UNC5C: variants seen among roughly 807,000 people sequenced by gnomAD.
UNC5C encodes netrin receptor UNC5C.
In UNC5C, 47 loss-of-function variants were observed where a neutral mutation model predicts 99.8. The observed-to-expected ratio is 0.47, with a 90% CI of 0.37 to 0.60. UNC5C has a LOEUF of 0.60. Ranked by LOEUF, UNC5C falls within the 20% of genes least tolerant of loss-of-function variation. The pLI is 0.00. For synonymous variants in UNC5C, 487 were observed against 452.2 expected, an observed-to-expected ratio of 1.08 and a Z score of -0.98; for missense variants, 1,062 against 1,165.9, an observed-to-expected ratio of 0.91 and a Z score of 1.30.
chr4:95,220,120 C>T lies in UNC5C; in HGVS notation c.1165G>A (p.Val389Ile), dbSNP rs752752057. ...ACAACTACAGAGATCGCCAGGCAAA[C>T]GATCACTGCTATCACAATCCCAACA... ...LYVGIVIAVIVCLAISVVVAL... is the reference protein window; with the variant it reads ...LYVGIVIAVIICLAISVVVAL... Residue 389 changes from valine to isoleucine, a missense_variant, in exon 8 of 16, where the codon GTT (valine) becomes ATT (isoleucine). Coordinates refer to ENST00000453304, the MANE Select transcript of UNC5C (RefSeq NM_003728.4). 23 of 1,613,938 alleles carry T rather than the reference C, an allele frequency of 1.4e-5. No homozygotes were observed. The highest frequency in any genetic ancestry group is 8.9e-5 in the East Asian group (4 of 44,878).
chr4:95,242,389 C>T (rs747222830), intron 7 of UNC5C, 40 bp downstream of exon 7: 274 of 1,611,166 alleles, frequency 1.7e-4, no homozygotes, highest in Non-Finnish European at 2.2e-4. Flanking sequence ...GTTCAATCTC[C>T]AGCCCCCTCA....
In UNC5C at chr4:95,245,635, C is replaced by A. The variant is rs1579263313; in HGVS notation, c.776-491G>T. ...AGGATTTTTATTCACTTGCACAAAC[C>A]AGTGAACCTGGTTAAAAAATAAAAT... On this transcript the variant is annotated intron_variant, in intron 5 of 15. Coordinates refer to ENST00000453304, the MANE Select transcript of UNC5C (RefSeq NM_003728.4). 3.3e-5 allele frequency among the ~76,000 whole-genome samples: 5 copies of A among 152,198 alleles called. 1 individual carries two copies. The South Asian group carries it at 1.0e-3, about 32-fold the overall frequency.
At chr4:95,363,542 T>C (rs1169756191) in intron 1 of UNC5C, among the ~76,000 whole-genome samples, 1 of 152,090 alleles carries the variant, frequency 6.6e-6, no homozygotes, top group Non-Finnish European at 1.5e-5. Context: ...GCAACAGCTG[T>C]GTGTTTTGAT....
intron 2 of UNC5C, among the ~76,000 whole-genome samples, chr4:95,320,523 T>C (rs1208858849): frequency 6.6e-6 from 1 of 152,100 alleles, no homozygotes; most frequent in Non-Finnish European, 1.5e-5. Context: ...AAGTACAATA[T>C]GGCTTTTAAC....
At chr4:95,493,599 T>A (rs1232171665) in intron 1 of UNC5C, among the ~76,000 whole-genome samples, 2 of 151,332 alleles carry the variant, frequency 1.3e-5, no homozygotes, top group South Asian at 2.1e-4. Flanking sequence ...CACTAAGTTT[T>A]AAAAAAAATT....
At chr4:95,327,342 A>G (rs959645831) in intron 2 of UNC5C, among the ~76,000 whole-genome samples, 2 of 152,158 alleles carry the variant, frequency 1.3e-5, no homozygotes, top group Non-Finnish European at 2.9e-5. Flanking sequence ...AGGCAAAGAG[A>G]GGCAATAAAG....
At chr4:95,424,841 G>A (rs1435168205) in intron 1 of UNC5C, among the ~76,000 whole-genome samples, 16 of 151,780 alleles carry the variant, frequency 1.1e-4, no homozygotes, top group Non-Finnish European at 7.4e-5. Context: ...TTATAGATGA[G>A]GAAACTGAGG....
At chr4:95,191,633 C>T (rs552334143) in intron 12 of UNC5C, among the ~76,000 whole-genome samples, 6 of 151,068 alleles carry the variant, frequency 4.0e-5, no homozygotes, top group African/African-American at 1.2e-4. Flanking sequence ...CTCTCCTGCT[C>T]CCATGCTCAC....
chr4:95,224,794 A>G (rs991811169), intron 7 of UNC5C, among the ~76,000 whole-genome samples: 2 of 152,224 alleles, frequency 1.3e-5, no homozygotes, highest in Admixed American at 1.3e-4. Flanking sequence ...AAAATAAACC[A>G]AAAGAACATA....
At chr4:95,436,027 A>G (rs1746774821) in intron 1 of UNC5C, among the ~76,000 whole-genome samples, 1 of 152,016 alleles carries the variant, frequency 6.6e-6, no homozygotes, top group Non-Finnish European at 1.5e-5. Context: ...GTTGTTATTT[A>G]TGTGATTTTT....
At position 95,507,749 on chromosome 4, in the gene UNC5C, A is replaced by C. The variant is rs528707854; in HGVS notation, c.124+40985T>G. Among the ~76,000 whole-genome samples the C allele has an allele frequency of 5.3e-5, 8 of 152,084 alleles. No homozygotes were observed. In the South Asian group the frequency reaches 1.7e-3, roughly 32 times the overall value. On this transcript the variant is annotated intron_variant, in intron 1 of 15. Transcript: ENST00000453304. The stretch of plus-strand genomic sequence containing the variant: ...AGTATGCTGACATCATTTCCAACTA[A>C]AGATCTTCAAAACTCAGACTCATCG...
intron 1 of UNC5C, among the ~76,000 whole-genome samples, chr4:95,514,068 T>C (rs1199437794): frequency 6.6e-6 from 1 of 152,182 alleles, no homozygotes; most frequent in African/African-American, 2.4e-5. Flanking sequence ...TCAAAGAAGC[T>C]TTCTGAGAAT....
At chr4:95,242,186 A>T (rs973446377) in intron 7 of UNC5C, among the ~76,000 whole-genome samples, 1 of 152,212 alleles carries the variant, frequency 6.6e-6, no homozygotes, top group Non-Finnish European at 1.5e-5. Context: ...TAAGTGATAG[A>T]ATCAACCCTT....
At chr4:95,448,131 G>A (rs558470945) in intron 1 of UNC5C, among the ~76,000 whole-genome samples, 4 of 151,996 alleles carry the variant, frequency 2.6e-5, no homozygotes, top group Admixed American at 2.6e-4. Flanking sequence ...ATGTCAGGGC[G>A]GGGCTGAGAG....
At chr4:95,385,765 C>G (rs964425553) in intron 1 of UNC5C, among the ~76,000 whole-genome samples, 1 of 152,116 alleles carries the variant, frequency 6.6e-6, no homozygotes, top group Admixed American at 6.5e-5. Context: ...AAACATCTTA[C>G]ACATGTTTAA....
chr4:95,489,138 G>A, intron 1 of UNC5C, among the ~76,000 whole-genome samples: 1 of 149,614 alleles, frequency 6.7e-6, no homozygotes, highest in Admixed American at 6.7e-5. Context: ...GAGGAGGGAA[G>A]GAAGAAAGAA....
intron 1 of UNC5C, among the ~76,000 whole-genome samples, chr4:95,390,133 T>G (rs1745316777): frequency 6.6e-6 from 1 of 152,116 alleles, no homozygotes; most frequent in Non-Finnish European, 1.5e-5. Flanking sequence ...TGAAGGAGAC[T>G]CAGTAAGTGC....
At chr4:95,429,062 G>C (rs1341160204) in intron 1 of UNC5C, among the ~76,000 whole-genome samples, 2 of 152,102 alleles carry the variant, frequency 1.3e-5, no homozygotes, top group East Asian at 3.9e-4. Flanking sequence ...AGGGCAACTT[G>C]AGAAAGCAGA....
At chr4:95,433,188 C>G (rs1746680173) in intron 1 of UNC5C, among the ~76,000 whole-genome samples, 1 of 151,976 alleles carries the variant, frequency 6.6e-6, no homozygotes, top group African/African-American at 2.4e-5. Context: ...CAAAGAAATA[C>G]CTCATCAAAG....
Sources: allele counts gnomAD v4.1 joint callset (sites outside exome capture counted in the v4.1 genomes callset), GRCh38; gene constraint gnomAD v4.1.1; transcripts MANE v1.5; gene names NCBI Gene and HGNC (gene_info 2026-07-23, HGNC 2026-07-21).